Variants in ANKRD13C observed in about 807,000 individuals in gnomAD.
The protein encoded by ANKRD13C is ankyrin repeat domain 13C, also known as ankyrin repeat domain-containing protein 13C.
In ANKRD13C, 16 loss-of-function variants were observed where a neutral mutation model predicts 65.5. The ratio of observed to expected loss-of-function variants is 0.24; its 90% CI spans 0.17 to 0.37. The LOEUF (loss-of-function observed/expected upper bound fraction) is 0.37. ANKRD13C is among the 10% of genes least tolerant of loss of function. The pLI is 1.00. For missense variants in ANKRD13C, 503 were observed against 655.9 expected, an observed-to-expected ratio of 0.77 and a Z score of 2.55; for synonymous variants, 235 against 238.7, an observed-to-expected ratio of 0.98 and a Z score of 0.14.
rs987295084 is a variant in ANKRD13C at position 70,293,551 on chromosome 1, C to G, written c.1054-1002G>C. The G allele has an allele frequency of 1.8e-5, 18 of 985,118 alleles. No individual in the cohort carries two copies. In the African/African-American group the frequency reaches 3.0e-4, roughly 16 times the overall value. 61.0% of individuals were successfully genotyped at this position (985,118 alleles called of 1,614,324 possible). On this transcript the variant is annotated intron_variant, in intron 8 of 12. Transcript: ENST00000370944. ...ACCTAGATGCTTCAAGAGCTTTGAG[C>G]TGCTTAGCAGTAGTACTAGATGATT...
intron 10 of ANKRD13C, among the ~76,000 whole-genome samples, chr1:70,275,875 G>A (rs139080219): frequency 1.1e-3 from 170 of 150,762 alleles, no homozygotes; most frequent in African/African-American, 3.7e-3. Flanking sequence ...GTGAGAAAAT[G>A]GCTTGAACCT....
intron 3 of ANKRD13C, among the ~76,000 whole-genome samples, chr1:70,319,509 G>A (rs1345254973): frequency 1.3e-5 from 2 of 150,760 alleles, no homozygotes; most frequent in Non-Finnish European, 2.9e-5. Context: ...CGGGAGACTG[G>A]GGCAGGAGAA....
At chr1:70,340,116 T>C (rs1461531976) in intron 1 of ANKRD13C, among the ~76,000 whole-genome samples, 1 of 151,996 alleles carries the variant, frequency 6.6e-6, no homozygotes, top group Non-Finnish European at 1.5e-5. Flanking sequence ...TTCCAAAATA[T>C]TGGGATTATA....
At chr1:70,265,321 T>C (rs1011862383) in intron 12 of ANKRD13C, among the ~76,000 whole-genome samples, 55 of 152,106 alleles carry the variant, frequency 3.6e-4, no homozygotes, top group African/African-American at 1.2e-3. Context: ...GAAAATGCAA[T>C]GACTTGTCTC....
In ANKRD13C at chr1:70,354,465, G is replaced by T. The variant is rs868573285; in HGVS notation, c.-57C>A. ...GAGGCTCACCGCTGGCGACGGAGCT[G>T]GCGCTGCGGCGGCACAAGGCGATTA... On this transcript the variant is annotated 5_prime_UTR_variant, in exon 1 of 13. Coordinates refer to ENST00000370944, the MANE Select transcript of ANKRD13C (RefSeq NM_030816.5). 95 of 1,541,942 alleles carry T rather than the reference G, an allele frequency of 6.2e-5. No individual in the cohort carries two copies. Among genetic ancestry groups the T allele is most frequent in the Middle Eastern group, 4.4e-4 (2 of 4,562 alleles).
At chr1:70,285,475 G>A (rs1051025488) in intron 9 of ANKRD13C, among the ~76,000 whole-genome samples, 2 of 151,820 alleles carry the variant, frequency 1.3e-5, no homozygotes, top group South Asian at 2.1e-4. Flanking sequence ...GATTACAGGC[G>A]TAAGCCACTG....
chr1:70,297,487 T>C (rs1416967647), intron 7 of ANKRD13C, among the ~76,000 whole-genome samples: 1 of 139,788 alleles, frequency 7.2e-6, no homozygotes, highest in Non-Finnish European at 1.6e-5. Context: ...AGAGACGGGG[T>C]TTCACCATGT....
rs556988346 is a variant in ANKRD13C, at chr1:70,336,110, T to A, written c.431-11A>T. 3.9e-5 allele frequency: 27 copies of A among 689,608 alleles called. No individual in the cohort carries two copies. The highest frequency in any genetic ancestry group is 8.2e-4 in the Middle Eastern group (2 of 2,442). The allele number at this position is 689,608 out of a possible 1,614,324, so 42.7% of individuals were successfully genotyped here. A position where few individuals can be genotyped will look rare whatever the true frequency, so the allele number is the denominator to read the frequency against. The stretch of plus-strand genomic sequence containing the variant: ...GTAAAGGAGTATTTCCTAAAAAAAA[T>A]AAAATAAAATAAATAAATTAGAAGG... On this transcript the variant is annotated splice_polypyrimidine_tract_variant and intron_variant, in intron 1 of 12. Transcript: ENST00000370944.
intron 5 of ANKRD13C, among the ~76,000 whole-genome samples, chr1:70,309,509 A>T (rs974776585): frequency 6.7e-6 from 1 of 150,248 alleles, no homozygotes; most frequent in African/African-American, 2.4e-5. Context: ...ACGAGGTGAG[A>T]AGATCAAGAC....
rs377156661 is a variant in ANKRD13C at position 70,293,631 on chromosome 1, G to A, written c.1054-1082C>T. The A allele has an allele frequency of 6.9e-5, 59 of 860,368 alleles. No individual in the cohort carries two copies. In the East Asian group the frequency reaches 4.4e-3, roughly 64 times the overall value. 53.3% of individuals were successfully genotyped at this position (860,368 alleles called of 1,614,324 possible). On this transcript the variant is annotated intron_variant, in intron 8 of 12. Transcript: ENST00000370944. ...GTGATCCATCTAATGCTGCCCAGAA[G>A]AACAAAGTACAAACAAATAAGACTT...
chr1:70,292,307 T>C, intron 9 of ANKRD13C, 81 bp downstream of exon 9: 2 of 1,102,640 alleles, frequency 1.8e-6, no homozygotes, highest in South Asian at 1.9e-5. Flanking sequence ...TACATTTATA[T>C]ACTTACTGAA....
At chr1:70,312,548 A>C (rs1404447240) in intron 5 of ANKRD13C, among the ~76,000 whole-genome samples, 1 of 152,084 alleles carries the variant, frequency 6.6e-6, no homozygotes, top group Non-Finnish European at 1.5e-5. Context: ...AACTGAAAAG[A>C]AACAGATTTG....
At chr1:70,296,295 T>C (rs1680079321) in intron 7 of ANKRD13C, 34 bp from the exon 8 acceptor site, 3 of 1,593,042 alleles carry the variant, frequency 1.9e-6, no homozygotes, top group South Asian at 2.3e-5. Flanking sequence ...TATAAAAATC[T>C]AGGTTTTTCA....
chr1:70,270,251 T>C (rs1282064984), intron 12 of ANKRD13C, among the ~76,000 whole-genome samples: 1 of 152,194 alleles, frequency 6.6e-6, no homozygotes, highest in Non-Finnish European at 1.5e-5. Flanking sequence ...TGAAAAACAT[T>C]ATTACAATAC....
chr1:70,330,053 C>A (rs1273559569), intron 2 of ANKRD13C, among the ~76,000 whole-genome samples: 2 of 149,542 alleles, frequency 1.3e-5, no homozygotes, highest in African/African-American at 4.9e-5. Context: ...TGCACCACTG[C>A]ACTCCAGCCT....
At chr1:70,265,647 A>G (rs1678583597) in intron 12 of ANKRD13C, among the ~76,000 whole-genome samples, 1 of 151,676 alleles carries the variant, frequency 6.6e-6, no homozygotes, top group Non-Finnish European at 1.5e-5. Flanking sequence ...CAAAGTGTTG[A>G]GACCCCATCT....
At chr1:70,315,983 C>T (rs973083486) in intron 3 of ANKRD13C, among the ~76,000 whole-genome samples, 2 of 152,140 alleles carry the variant, frequency 1.3e-5, no homozygotes, top group African/African-American at 2.4e-5. Context: ...GCCAAGATAA[C>T]CAAACTCATT....
chr1:70,293,253 A>C (rs1016089904), intron 8 of ANKRD13C, among the ~76,000 whole-genome samples: 1 of 152,070 alleles, frequency 6.6e-6, no homozygotes, highest in African/African-American at 2.4e-5. Context: ...TTTCAGACCC[A>C]CAGGTATTCA....
intron 6 of ANKRD13C, chr1:70,305,652 G>A (rs1298026523): frequency 6.6e-6 from 1 of 152,106 alleles, no homozygotes. Context: ...AATCATGTAA[G>A]TTAAATAGAT....
Sources: allele counts gnomAD v4.1 joint callset (sites outside exome capture counted in the v4.1 genomes callset), GRCh38; gene constraint gnomAD v4.1.1; transcripts MANE v1.5; gene names NCBI Gene and HGNC (gene_info 2026-07-23, HGNC 2026-07-21).